Variants in CNTN4 observed in about 807,000 individuals in gnomAD.
CNTN4 encodes the protein contactin 4.
In CNTN4, 77 loss-of-function variants were observed where a neutral mutation model predicts 122.5. The observed-to-expected ratio is 0.63, with a 90% CI of 0.52 to 0.76. The LOEUF (loss-of-function observed/expected upper bound fraction) is 0.76, where lower values mean the gene tolerates loss of function less well. Among genes scored for constraint, CNTN4 ranks in the 30% least tolerant of loss-of-function variants. The pLI is 0.00. For missense variants in CNTN4, 1,256 were observed against 1,259.1 expected (o/e 1.00, Z 0.04); for synonymous variants, 512 against 447.0 (o/e 1.15, Z -1.83).
intron 2 of CNTN4, among the ~76,000 whole-genome samples, chr3:2,278,292 A>G (rs531605039): frequency 2.0e-5 from 3 of 152,352 alleles, no homozygotes; most frequent in African/African-American, 4.8e-5. Flanking sequence ...AGTTATTTTC[A>G]TGAATGGCTT....
intron 6 of CNTN4, among the ~76,000 whole-genome samples, chr3:2,794,339 G>C (rs1476094577): frequency 6.6e-6 from 1 of 152,130 alleles, no homozygotes; most frequent in South Asian, 2.1e-4. Flanking sequence ...ACAATTAACA[G>C]TTCACATCTT....
At chr3:2,271,023 T>C (rs755252387) in intron 2 of CNTN4, among the ~76,000 whole-genome samples, 7 of 152,118 alleles carry the variant, frequency 4.6e-5, no homozygotes, top group Non-Finnish European at 2.9e-5. Context: ...GCTTATTAAC[T>C]TAGGGACCTC....
chr3:2,430,891 A>G (rs1340024692), intron 3 of CNTN4, among the ~76,000 whole-genome samples: 1 of 152,190 alleles, frequency 6.6e-6, no homozygotes, highest in Admixed American at 6.5e-5. Flanking sequence ...TAAACAGCTC[A>G]TGGGTCTTCC....
At chr3:2,789,584 C>T (rs896379107) in intron 6 of CNTN4, among the ~76,000 whole-genome samples, 7 of 152,196 alleles carry the variant, frequency 4.6e-5, no homozygotes, top group African/African-American at 1.7e-4. Context: ...AGGCTTGCGC[C>T]ACCATGCCCG....
intron 3 of CNTN4, among the ~76,000 whole-genome samples, chr3:2,547,424 C>A (rs1265207449): frequency 2.0e-5 from 3 of 151,944 alleles, no homozygotes; most frequent in African/African-American, 7.3e-5. Flanking sequence ...CACCACCATG[C>A]CCAGCTAATT....
intron 2 of CNTN4, chr3:2,239,030 C>T (rs1187379560): frequency 6.6e-6 from 1 of 151,948 alleles, no homozygotes; most frequent in Admixed American, 6.6e-5. Context: ...CGGCCTGGCT[C>T]TGTTTTTATT....
intron 4 of CNTN4, among the ~76,000 whole-genome samples, chr3:2,730,262 C>A (rs775776437): frequency 6.6e-6 from 1 of 152,108 alleles, no homozygotes; most frequent in African/African-American, 2.4e-5. Context: ...GTGATTTATA[C>A]AATGTTTTAA....
intron 2 of CNTN4, chr3:2,239,177 T>C (rs570026787): frequency 2.0e-4 from 31 of 152,324 alleles, no homozygotes; most frequent in African/African-American, 6.5e-4. Context: ...TTTGATTCTT[T>C]TAGCAATTTA....
chr3:2,216,227 C>G (rs887937575), intron 2 of CNTN4, among the ~76,000 whole-genome samples: 1 of 152,176 alleles, frequency 6.6e-6, no homozygotes, highest in Non-Finnish European at 1.5e-5. Context: ...GAGATTATGT[C>G]TTTTGTGGCA....
At chr3:2,671,963 C>A (rs1008771038) in intron 4 of CNTN4, among the ~76,000 whole-genome samples, 14 of 151,924 alleles carry the variant, frequency 9.2e-5, no homozygotes, top group Non-Finnish European at 1.3e-4. Context: ...GCTGCCTGAT[C>A]CTTCCTTTGG....
At chr3:2,504,235 TAAG>T (rs1170432645) in intron 3 of CNTN4, among the ~76,000 whole-genome samples, 1 of 152,156 alleles carries the variant, frequency 6.6e-6, no homozygotes, top group Non-Finnish European at 1.5e-5. Context: ...AAGGCATTAT[TAAG>T]AAGAAGACTG....
At chr3:2,186,825 T>C (rs1407908085) in intron 2 of CNTN4, among the ~76,000 whole-genome samples, 2 of 152,238 alleles carry the variant, frequency 1.3e-5, no homozygotes, top group Non-Finnish European at 2.9e-5. Context: ...TTCTGGATAT[T>C]AGCCTTTGTC....
At chr3:2,340,742 C>A (rs1553627606) in intron 3 of CNTN4, among the ~76,000 whole-genome samples, 1 of 37,472 alleles carries the variant, frequency 2.7e-5, no homozygotes, top group Non-Finnish European at 6.5e-5. Context: ...GAGAGAGAGT[C>A]AGAAATTTAT....
chr3:2,368,791 T>A (rs1334600829), intron 3 of CNTN4, among the ~76,000 whole-genome samples: 4 of 152,212 alleles, frequency 2.6e-5, no homozygotes, highest in Non-Finnish European at 5.9e-5. Context: ...TCTTCTCTGG[T>A]TAACTTACAG....
chr3:3,012,989 A>T (rs1215293246), intron 14 of CNTN4, among the ~76,000 whole-genome samples: 1 of 152,022 alleles, frequency 6.6e-6, no homozygotes, highest in Non-Finnish European at 1.5e-5. Flanking sequence ...AAATAAAAAA[A>T]ACCCTTTGTA....
intron 3 of CNTN4, among the ~76,000 whole-genome samples, chr3:2,566,565 A>G (rs1320155430): frequency 3.9e-5 from 6 of 152,206 alleles, no homozygotes; most frequent in Non-Finnish European, 8.8e-5. Flanking sequence ...CAAGAATACA[A>G]AGATTCCTAC....
intron 2 of CNTN4, among the ~76,000 whole-genome samples, chr3:2,285,263 C>T (rs755773430): frequency 1.6e-4 from 25 of 152,014 alleles, no homozygotes; most frequent in Middle Eastern, 3.4e-3. Context: ...AGTTCTTAAT[C>T]GCAAAAAATT....
rs111632245 is a variant in CNTN4 at position 3,042,065 on chromosome 3, G to C, written c.2399-245G>C. Among the ~76,000 whole-genome samples, 1,032 of 152,302 alleles carry C rather than the reference G, an allele frequency of 6.8e-3. 15 individuals are homozygous for C. The highest frequency in any genetic ancestry group is 0.022 in the African/African-American group (930 of 41,570). ...GGGAATTGCTGGCTATGAAAACTTG[G>C]TGCTTAAACTTAAGTGGTTCTTCTC... On this transcript the variant is annotated intron_variant, in intron 20 of 24. Coordinates refer to ENST00000418658, the MANE Select transcript of CNTN4 (RefSeq NM_175607.3).
chr3:2,842,280 G>GA (rs2093375897), intron 7 of CNTN4, among the ~76,000 whole-genome samples: 1 of 152,182 alleles, frequency 6.6e-6, no homozygotes, highest in African/African-American at 2.4e-5. Context: ...ATCTTGGGCA[G>GA]TAGCTGTGGT....
Sources: gnomAD v4.1 joint callset for allele counts (sites outside exome capture counted in the v4.1 genomes callset) on GRCh38, gnomAD v4.1.1 for gene constraint, MANE v1.5 for transcripts, NCBI Gene and HGNC (gene_info 2026-07-23, HGNC 2026-07-21) for gene names.